Variants in GRM8 observed in about 807,000 individuals in gnomAD.
The protein encoded by GRM8 is glutamate metabotropic receptor 8, also known as metabotropic glutamate receptor 8.
GRM8 carries 47 observed loss-of-function variants against 87.2 expected under a neutral mutation model. That is an observed-to-expected ratio of 0.54 (90% CI 0.43 to 0.69). The LOEUF (loss-of-function observed/expected upper bound fraction) is 0.69, where lower values mean the gene tolerates loss of function less well. Ranked by LOEUF, GRM8 falls within the 30% of genes least tolerant of loss-of-function variation. The pLI is 0.00. For synonymous variants in GRM8, 396 were observed against 404.5 expected (o/e 0.98, Z 0.25); for missense variants, 1,019 against 1,139.2 (o/e 0.89, Z 1.52).
chr7:126,458,097 T>C (rs1274840919), intron 9 of GRM8, among the ~76,000 whole-genome samples: 1 of 149,790 alleles, frequency 6.7e-6, no homozygotes, highest in Non-Finnish European at 1.5e-5. Context: ...CTAAAACTCC[T>C]GAACTATCAA....
intron 7 of GRM8, among the ~76,000 whole-genome samples, chr7:126,732,416 T>C (rs1813705185): frequency 6.6e-6 from 1 of 152,148 alleles, no homozygotes; most frequent in East Asian, 1.9e-4. Flanking sequence ...CTTTTGAATT[T>C]TGCATCTTGT....
chr7:126,450,539 CAA>C (rs1191116600), intron 9 of GRM8, among the ~76,000 whole-genome samples: 7 of 151,794 alleles, frequency 4.6e-5, no homozygotes, highest in Non-Finnish European at 8.8e-5. Flanking sequence ...GCGTGTCTGC[CAA>C]AGTGAAACTT....
chr7:126,887,977 C>T (rs1248632724), intron 6 of GRM8, among the ~76,000 whole-genome samples: 1 of 152,134 alleles, frequency 6.6e-6, no homozygotes, highest in East Asian at 1.9e-4. Context: ...TCCAAGGAGG[C>T]TGTCCATGTA....
intron 9 of GRM8, among the ~76,000 whole-genome samples, chr7:126,467,641 T>C (rs76828334): frequency 6.6e-6 from 1 of 152,164 alleles, no homozygotes; most frequent in East Asian, 1.9e-4. Flanking sequence ...TGTATACTCT[T>C]AATAATGCAT....
chr7:127,015,004 G>A (rs867504513), intron 3 of GRM8, among the ~76,000 whole-genome samples: 6 of 28,930 alleles, frequency 2.1e-4, no homozygotes, highest in Admixed American at 1.1e-3. Context: ...GAAGAAGAAA[G>A]AAGAAGAAGA....
rs575797660 is a variant in GRM8, at chr7:127,219,861, C to T, written c.510+22834G>A. ...GGGCACAAGCCCCAGCAGACCACCA[C>T]GGATCTGCTGACCTGGGAGCAAACA... is the stretch of plus-strand genomic sequence containing the variant. On this transcript the variant is annotated intron_variant, in intron 2 of 10. Coordinates refer to ENST00000339582, the MANE Select transcript of GRM8 (RefSeq NM_000845.3). Among the ~76,000 whole-genome samples the T allele has an allele frequency of 8.5e-5, 13 of 152,300 alleles. No homozygotes were observed. In the South Asian group the frequency reaches 1.2e-3, roughly 15 times the overall value.
intron 7 of GRM8, among the ~76,000 whole-genome samples, chr7:126,700,684 C>T (rs1809829928): frequency 6.6e-6 from 1 of 152,082 alleles, no homozygotes; most frequent in Admixed American, 6.6e-5. Context: ...CTCACATCAA[C>T]CTGTTACACC....
intron 6 of GRM8, among the ~76,000 whole-genome samples, chr7:126,888,022 G>T (rs571763906): frequency 2.7e-4 from 41 of 152,192 alleles, no homozygotes; most frequent in African/African-American, 6.7e-4. Context: ...CAAAAGAGGG[G>T]GTAGGTGAGC....
chr7:127,001,949 T>C (rs777494599), intron 3 of GRM8, among the ~76,000 whole-genome samples: 19 of 151,736 alleles, frequency 1.3e-4, no homozygotes, highest in Non-Finnish European at 2.2e-4. Context: ...AGGCACACTG[T>C]ATCATTCCAT....
chr7:127,216,906 C>G (rs967871855), intron 2 of GRM8, among the ~76,000 whole-genome samples: 1 of 152,154 alleles, frequency 6.6e-6, no homozygotes, highest in African/African-American at 2.4e-5. Context: ...TTTGAGAGGG[C>G]CCTTCCCTAA....
chr7:127,111,190 G>A (rs1826313098), intron 2 of GRM8: 1 of 152,082 alleles, frequency 6.6e-6, no homozygotes, highest in Admixed American at 6.5e-5. Context: ...TTTGGTGCTT[G>A]CCCAGATGTT....
chr7:126,616,859 G>A (rs1298108637), intron 7 of GRM8, among the ~76,000 whole-genome samples: 1 of 152,090 alleles, frequency 6.6e-6, no homozygotes, highest in East Asian at 1.9e-4. Flanking sequence ...ACCAATAACA[G>A]GCTCTGAAAT....
At chr7:127,184,542 T>C (rs903831211) in intron 2 of GRM8, among the ~76,000 whole-genome samples, 4 of 151,932 alleles carry the variant, frequency 2.6e-5, no homozygotes, top group South Asian at 2.1e-4. Flanking sequence ...CCTTACTTAA[T>C]AGTGAGAAAC....
intron 7 of GRM8, among the ~76,000 whole-genome samples, chr7:126,673,958 G>A (rs1205302991): frequency 6.6e-6 from 1 of 152,098 alleles, no homozygotes; most frequent in Non-Finnish European, 1.5e-5. Flanking sequence ...ACTGACTTGA[G>A]AACTTAAATA....
At chr7:126,548,553 G>A (rs1032074487) in intron 8 of GRM8, among the ~76,000 whole-genome samples, 10 of 152,154 alleles carry the variant, frequency 6.6e-5, no homozygotes, top group African/African-American at 2.4e-4. Flanking sequence ...ACAGTTATGA[G>A]CAGCATCTAT....
chr7:126,579,630 G>A (rs994730911), intron 8 of GRM8, among the ~76,000 whole-genome samples: 1 of 152,244 alleles, frequency 6.6e-6, no homozygotes, highest in South Asian at 2.1e-4. Context: ...AAGGGAAAAA[G>A]TAGTTGGTAT....
At chr7:126,758,467 T>C (rs10216158) in intron 7 of GRM8, among the ~76,000 whole-genome samples, 121,843 of 151,964 alleles carry the variant, frequency 0.8, 49,760 homozygotes, top group Non-Finnish European at 0.89. Flanking sequence ...AGCCTCTTAC[T>C]ACTCTCTCGG....
intron 8 of GRM8, among the ~76,000 whole-genome samples, chr7:126,576,254 C>T (rs962576458): frequency 2.0e-5 from 3 of 152,096 alleles, no homozygotes; most frequent in African/African-American, 7.2e-5. Context: ...AAGTCATTTT[C>T]CCCAACTTTT....
At chr7:127,173,077 T>C (rs1793908516) in intron 2 of GRM8, among the ~76,000 whole-genome samples, 1 of 152,188 alleles carries the variant, frequency 6.6e-6, no homozygotes, top group African/African-American at 2.4e-5. Context: ...TCTACCACCA[T>C]ACCAAGCACT....
Sources: gnomAD v4.1 joint callset for allele counts (sites outside exome capture counted in the v4.1 genomes callset) on GRCh38, gnomAD v4.1.1 for gene constraint, MANE v1.5 for transcripts, NCBI Gene and HGNC (gene_info 2026-07-23, HGNC 2026-07-21) for gene names.